The following BCL7B variants were observed in gnomAD, a reference collection of about 807,000 sequenced individuals.
The protein encoded by BCL7B is B-cell CLL/lymphoma 7 protein family member B.
A neutral mutation model predicts 26.5 loss-of-function variants in BCL7B; 11 were observed. The observed-to-expected ratio is 0.42, with a 90% confidence interval of 0.26 to 0.69. The LOEUF (loss-of-function observed/expected upper bound fraction) is 0.69. BCL7B is among the 30% of genes least tolerant of loss of function. BCL7B has a pLI of 0.28. For synonymous variants in BCL7B, 111 were observed against 107.9 expected, an observed-to-expected ratio of 1.03 and a Z score of -0.18; for missense variants, 215 against 264.4, an observed-to-expected ratio of 0.81 and a Z score of 1.30.
intron 3 of BCL7B, among the ~76,000 whole-genome samples, chr7:73,541,176 GA>G (rs1361786370): frequency 3.3e-5 from 5 of 151,868 alleles, no homozygotes; most frequent in African/African-American, 4.8e-5. Context: ...TAAAAAAAAA[GA>G]AAAAAAGTAA....
At chr7:73,557,198 C>G in intron 1 of BCL7B, 4 of 1,041,830 alleles carry the variant, frequency 3.8e-6, no homozygotes, top group Non-Finnish European at 4.6e-6. Context: ...GCGCGGGCAC[C>G]GACGCCAGGC....
Position 73,537,246 on chromosome 7 carries a change from C to G in BCL7B, c.*52G>C. On this transcript the variant is annotated 3_prime_UTR_variant, in exon 6 of 6. Transcript: ENST00000223368. ...CCCCAGCAACGCGGCGCGGCCAGAACCAGAATGCAATAAATAGAGGCAGGG... is the reference window on the plus strand; with the variant it reads ...CCCCAGCAACGCGGCGCGGCCAGAAGCAGAATGCAATAAATAGAGGCAGGG... 6.3e-7 allele frequency: 1 copy of G among 1,585,922 alleles called. No individual in the cohort carries two copies. Among genetic ancestry groups the G allele is most frequent in the Non-Finnish European group, 8.7e-7 (1 of 1,155,982 alleles).
intron 1 of BCL7B, among the ~76,000 whole-genome samples, chr7:73,554,887 T>C (rs1792307137): frequency 6.6e-6 from 1 of 151,314 alleles, no homozygotes. Flanking sequence ...AGAAAATAAC[T>C]AAAATTAATT....
intron 2 of BCL7B, among the ~76,000 whole-genome samples, chr7:73,550,422 G>A (rs549754871): frequency 1.3e-5 from 2 of 151,984 alleles, no homozygotes; most frequent in East Asian, 3.9e-4. Flanking sequence ...GCAGGCGCCT[G>A]TAATCCCAGC....
rs1792430712 is a variant in BCL7B, at chr7:73,557,657, C to CACG, written c.-80_-79insCGT. On this transcript the variant is annotated 5_prime_UTR_variant, in exon 1 of 6. Transcript: ENST00000223368. ...CGCGCGCCTCACGCGCCGCCGCCCG[C>CACG]CCGCCGCCGCCGCAGCGTCACAGCG... The CACG allele has an allele frequency of 1.2e-6, 1 of 852,168 alleles. No homozygotes were observed. The highest frequency in any genetic ancestry group is 1.8e-5 in the African/African-American group (1 of 54,860). The allele number at this position is 852,168 out of a possible 1,614,324, so 52.8% of individuals were successfully genotyped here.
chr7:73,553,062 G>A (rs71556726), intron 1 of BCL7B, among the ~76,000 whole-genome samples: 2 of 151,848 alleles, frequency 1.3e-5, no homozygotes, highest in East Asian at 3.9e-4. Flanking sequence ...GCTGGGACTA[G>A]AGGCGCACAC....
intron 1 of BCL7B, chr7:73,556,940 G>A: frequency 1.0e-6 from 1 of 989,712 alleles, no homozygotes; most frequent in Non-Finnish European, 1.2e-6. Flanking sequence ...TGCCTACCAA[G>A]CTCGCGGCGC....
At chr7:73,554,796 CA>C (rs550024405) in intron 1 of BCL7B, among the ~76,000 whole-genome samples, 1,081 of 60,812 alleles carry the variant, frequency 0.018, 8 homozygotes, top group African/African-American at 0.055. Context: ...GACTGGGTCT[CA>C]AAAAAAAAAA....
At chr7:73,543,916 TCC>T in intron 2 of BCL7B, 1 of 366,394 alleles carries the variant, frequency 2.7e-6, no homozygotes, top group South Asian at 2.7e-5. Flanking sequence ...TCCCATAGTA[TCC>T]CTCTCCTGCC....
In BCL7B at chr7:73,536,521, C is replaced by CT. The variant is rs1265167299; in HGVS notation, c.*776dup. ...CAAAGAAAAGGGAGCTTTCTAGAAA[C>CT]TGAGCTGAAGGGGTACTGTGGGGGA... On this transcript the variant is annotated 3_prime_UTR_variant, in exon 6 of 6. Coordinates refer to ENST00000223368, the MANE Select transcript of BCL7B (RefSeq NM_001707.4). 2 of 152,400 alleles carry CT rather than the reference C, an allele frequency of 1.3e-5. No homozygotes were observed. Among genetic ancestry groups the CT allele is most frequent in the Non-Finnish European group, 2.9e-5 (2 of 68,034 alleles). The allele number at this position is 152,400 out of a possible 1,614,324, so 9.4% of individuals were successfully genotyped here. A position where few individuals can be genotyped will look rare whatever the true frequency, so the allele number is the denominator to read the frequency against.
chr7:73,543,254 G>A (rs948207712), intron 3 of BCL7B, among the ~76,000 whole-genome samples: 1 of 150,584 alleles, frequency 6.6e-6, no homozygotes, highest in Non-Finnish European at 1.5e-5. Flanking sequence ...TCGGCTCACC[G>A]CAACCTCCAC....
Position 73,557,510 on chromosome 7 carries a change from C to G in BCL7B, c.69G>C (p.Ala23=), listed in dbSNP as rs782572704. The G allele has an allele frequency of 6.9e-7, 1 of 1,450,470 alleles. No individual in the cohort carries two copies. Among genetic ancestry groups the G allele is most frequent in the Admixed American group, 2.3e-5 (1 of 43,918 alleles). 89.8% of individuals were successfully genotyped at this position (1,450,470 alleles called of 1,614,324 possible). The change falls in exon 1 of 6, where the codon GCG becomes GCC. Residue 23 remains alanine (A), a synonymous_variant. Transcript: ENST00000223368. ...ACCATTTCCGCACTTTCTCGATGGC[C>G]GCCATCACCTTCTTGATGTCGTCCT... ...RAKDDIKKVM[A]AIEKVRKWEK...
chr7:73,557,253 C>A (rs914046041), intron 1 of BCL7B: 1 of 1,110,664 alleles, frequency 9.0e-7, no homozygotes, highest in Non-Finnish European at 1.1e-6. Flanking sequence ...CCAGGCGGCG[C>A]GCGGCAGCAG....
chr7:73,547,618 T>C (rs1048454079), intron 2 of BCL7B, among the ~76,000 whole-genome samples: 1 of 152,254 alleles, frequency 6.6e-6, no homozygotes, highest in Non-Finnish European at 1.5e-5. Flanking sequence ...ACACTGGATG[T>C]ACAATTCAGT....
chr7:73,537,867 G>T, intron 5 of BCL7B, 67 bp downstream of exon 5: 1 of 1,209,540 alleles, frequency 8.3e-7, no homozygotes, highest in Non-Finnish European at 1.2e-6. Context: ...CTCTAGTCTG[G>T]GCAACAGCGA....
intron 2 of BCL7B, among the ~76,000 whole-genome samples, chr7:73,546,303 T>C (rs1284835403): frequency 1.3e-5 from 2 of 152,058 alleles, no homozygotes; most frequent in African/African-American, 4.8e-5. Flanking sequence ...CAGAACAGTC[T>C]GTACCAGAAG....
intron 2 of BCL7B, among the ~76,000 whole-genome samples, chr7:73,550,604 CA>C (rs1219924295): frequency 6.6e-6 from 1 of 151,308 alleles, no homozygotes; most frequent in Non-Finnish European, 1.5e-5. Context: ...ACAGAGAATA[CA>C]AAGAGGTTCT....
intron 1 of BCL7B, among the ~76,000 whole-genome samples, chr7:73,555,501 A>C (rs1331647561): frequency 6.6e-6 from 1 of 152,182 alleles, no homozygotes; most frequent in African/African-American, 2.4e-5. Flanking sequence ...GGGAATCTCA[A>C]GTGGTAAACC....
chr7:73,537,325 T>G lies in BCL7B; in HGVS notation c.582A>C (p.Thr194=). The G allele has an allele frequency of 1.2e-6, 2 of 1,614,144 alleles. No individual in the cohort carries two copies. Among genetic ancestry groups the G allele is most frequent in the Non-Finnish European group, 1.7e-6 (2 of 1,180,016 alleles). Residue 194 remains threonine (T), a synonymous_variant, in exon 6 of 6, where the codon ACA becomes ACC. Transcript: ENST00000223368. ...AGCTTTCTGACGCCGTCTGCGGCACTGTGGGTTGGTCCACACAGAAGCGCT... is the reference window on the plus strand; with the variant it reads ...AGCTTTCTGACGCCGTCTGCGGCACGGTGGGTTGGTCCACACAGAAGCGCT... ...PLKRFCVDQP[T]VPQTASES
Sources: gnomAD v4.1 joint callset for allele counts (sites outside exome capture counted in the v4.1 genomes callset) on GRCh38, gnomAD v4.1.1 for gene constraint, MANE v1.5 for transcripts, NCBI Gene and HGNC (gene_info 2026-07-23, HGNC 2026-07-21) for gene names.